CTNNA3: variants seen among roughly 807,000 people sequenced by gnomAD.
CTNNA3 encodes catenin alpha 3, also known as catenin alpha-3.
Under a neutral mutation model 95.7 loss-of-function variants are expected in CTNNA3, and 76 were observed. That is an observed-to-expected ratio of 0.79 (90% CI 0.66 to 0.96). The LOEUF (loss-of-function observed/expected upper bound fraction) is 0.96, where lower values mean the gene tolerates loss of function less well. CTNNA3 is among the 40% of genes least tolerant of loss of function. CTNNA3 has a pLI of 0.00. For missense variants in CTNNA3, 1,191 were observed against 1,089.8 expected, an observed-to-expected ratio of 1.09 and a Z score of -1.31; for synonymous variants, 431 against 374.4, an observed-to-expected ratio of 1.15 and a Z score of -1.74.
At chr10:67,091,378 A>C (rs1032924006) in intron 7 of CTNNA3, among the ~76,000 whole-genome samples, 2 of 151,974 alleles carry the variant, frequency 1.3e-5, no homozygotes, top group African/African-American at 4.8e-5. Context: ...GTATATATTT[A>C]AGGAATATAT....
intron 4 of CTNNA3, among the ~76,000 whole-genome samples, chr10:67,523,620 C>T (rs1840050652): frequency 1.3e-5 from 2 of 152,124 alleles, no homozygotes; most frequent in African/African-American, 4.8e-5. Flanking sequence ...CGGAGGGACT[C>T]AGACCACGTA....
At position 66,996,716 on chromosome 10, in the gene CTNNA3, C is replaced by T. The variant is rs1049995160; in HGVS notation, c.1047+183601G>A. Among the ~76,000 whole-genome samples, 4 of 143,458 alleles carry T rather than the reference C, an allele frequency of 2.8e-5. No homozygotes were observed. In the East Asian group the frequency reaches 9.2e-4, roughly 33 times the overall value. The allele number at this position is 143,458 out of a possible 152,430, so 94.1% of individuals were successfully genotyped here. The stretch of plus-strand genomic sequence containing the variant: ...TTATGTGTTTATTTGAGTTAATTAG[C>T]GCCTATGCAGTTTTCTGCTTGCTCA... On this transcript the variant is annotated intron_variant, in intron 7 of 17. Coordinates refer to ENST00000433211, the MANE Select transcript of CTNNA3 (RefSeq NM_013266.4).
At chr10:67,241,575 C>T (rs1865718706) in intron 5 of CTNNA3, among the ~76,000 whole-genome samples, 1 of 152,178 alleles carries the variant, frequency 6.6e-6, no homozygotes, top group Non-Finnish European at 1.5e-5. Flanking sequence ...GAGAAACAGA[C>T]CACTTGTTTC....
At chr10:66,117,461 T>C (rs1489623237) in intron 13 of CTNNA3, among the ~76,000 whole-genome samples, 4 of 152,224 alleles carry the variant, frequency 2.6e-5, no homozygotes, top group Non-Finnish European at 4.4e-5. Context: ...ACTTATTTTC[T>C]ATTTTAAAAA....
intron 2 of CTNNA3, among the ~76,000 whole-genome samples, 179 bp from the exon 3 acceptor site, chr10:67,607,228 T>C (rs1182493243): frequency 6.6e-6 from 1 of 152,134 alleles, no homozygotes; most frequent in Non-Finnish European, 1.5e-5. Context: ...CTCAAAAACA[T>C]AACTACGAAT....
chr10:66,153,940 C>T lies in CTNNA3; in HGVS notation c.1885-50691G>A, dbSNP rs568118732. ...TTTGTTTATAGTTGTGATCTGTTGG[C>T]GGGCTGGACCATTTGAAACTTACTC... On this transcript the variant is annotated intron_variant, in intron 13 of 17. Coordinates refer to ENST00000433211, the MANE Select transcript of CTNNA3 (RefSeq NM_013266.4). 5.9e-5 allele frequency among the ~76,000 whole-genome samples: 9 copies of T among 151,504 alleles called. No homozygotes were observed. In the South Asian group the frequency reaches 1.0e-3, roughly 18 times the overall value.
intron 12 of CTNNA3, among the ~76,000 whole-genome samples, chr10:66,342,346 G>A (rs1302269138): frequency 6.6e-6 from 1 of 151,918 alleles, no homozygotes; most frequent in Non-Finnish European, 1.5e-5. Flanking sequence ...ATAGATAATT[G>A]AGGACATGAA....
At chr10:67,548,599 C>T (rs1840918056) in intron 3 of CTNNA3, among the ~76,000 whole-genome samples, 2 of 152,094 alleles carry the variant, frequency 1.3e-5, no homozygotes, top group South Asian at 4.1e-4. Context: ...AGAAATAAAC[C>T]TTTACGTTTA....
intron 15 of CTNNA3, among the ~76,000 whole-genome samples, chr10:66,051,001 G>A (rs372448628): frequency 6.6e-6 from 1 of 151,976 alleles, no homozygotes; most frequent in East Asian, 1.9e-4. Context: ...CTACAGGTGT[G>A]GGCTACCATG....
intron 15 of CTNNA3, among the ~76,000 whole-genome samples, chr10:66,068,230 C>G (rs1280257605): frequency 6.6e-6 from 1 of 151,868 alleles, no homozygotes; most frequent in African/African-American, 2.4e-5. Context: ...ATAATATAAC[C>G]ATATTCTTTG....
At chr10:66,612,544 G>T (rs1351770116) in intron 10 of CTNNA3, among the ~76,000 whole-genome samples, 1 of 152,006 alleles carries the variant, frequency 6.6e-6, no homozygotes. Context: ...GGCACTTTTG[G>T]TTATTAGAAA....
chr10:66,499,572 T>A (rs1840210016), intron 11 of CTNNA3, among the ~76,000 whole-genome samples: 1 of 152,056 alleles, frequency 6.6e-6, no homozygotes, highest in South Asian at 2.1e-4. Flanking sequence ...ACAGGGAAAA[T>A]CAATTTTAAT....
chr10:66,019,978 A>G (rs1487015083), intron 15 of CTNNA3, among the ~76,000 whole-genome samples: 1 of 152,226 alleles, frequency 6.6e-6, no homozygotes, highest in Non-Finnish European at 1.5e-5. Flanking sequence ...TACAATGGAA[A>G]TAGATTGAGT....
At chr10:66,776,380 A>G (rs1454481663) in intron 7 of CTNNA3, among the ~76,000 whole-genome samples, 4 of 152,196 alleles carry the variant, frequency 2.6e-5, no homozygotes, top group Non-Finnish European at 4.4e-5. Flanking sequence ...AGGCAAGTTT[A>G]AGCAGCTGAT....
intron 5 of CTNNA3, among the ~76,000 whole-genome samples, chr10:67,348,143 T>G (rs959031426): frequency 3.9e-5 from 6 of 152,140 alleles, no homozygotes; most frequent in African/African-American, 1.2e-4. Flanking sequence ...TACATAACAT[T>G]CAACTCAAAG....
At chr10:67,001,579 AT>A (rs1158530578) in intron 7 of CTNNA3, among the ~76,000 whole-genome samples, 1 of 152,066 alleles carries the variant, frequency 6.6e-6, no homozygotes, top group South Asian at 2.1e-4. Flanking sequence ...ATAATATATC[AT>A]TACTATGTAG....
intron 7 of CTNNA3, among the ~76,000 whole-genome samples, chr10:67,083,222 A>G (rs1857137052): frequency 1.3e-5 from 2 of 152,204 alleles, no homozygotes; most frequent in African/African-American, 4.8e-5. Flanking sequence ...TCCTCAAGTA[A>G]AAAGAAAGTG....
intron 7 of CTNNA3, among the ~76,000 whole-genome samples, chr10:66,999,626 C>T (rs57278070): frequency 0.011 from 1,607 of 152,026 alleles, 28 homozygotes; most frequent in African/African-American, 0.036. Flanking sequence ...ATGGTGCTTC[C>T]GGAAACATAA....
At chr10:66,899,255 T>C (rs1316020577) in intron 7 of CTNNA3, among the ~76,000 whole-genome samples, 2 of 152,310 alleles carry the variant, frequency 1.3e-5, no homozygotes, top group African/African-American at 4.8e-5. Context: ...TTGTCCACTG[T>C]TAATGAGAAT....
Sources: gnomAD v4.1 joint callset for allele counts (sites outside exome capture counted in the v4.1 genomes callset) on GRCh38, gnomAD v4.1.1 for gene constraint, MANE v1.5 for transcripts, NCBI Gene and HGNC (gene_info 2026-07-23, HGNC 2026-07-21) for gene names.